TXNDC16: variants seen among roughly 807,000 people sequenced by gnomAD.
TXNDC16 encodes the protein thioredoxin domain containing 16.
In TXNDC16, 74 loss-of-function variants were observed where a neutral mutation model predicts 85.6. The observed-to-expected ratio is 0.86, with a 90% CI of 0.72 to 1.05. The LOEUF (loss-of-function observed/expected upper bound fraction) is 1.05, where lower values mean the gene tolerates loss of function less well. Among genes scored for constraint, TXNDC16 ranks in the 50% least tolerant of loss-of-function variants. The pLI is 0.00. For synonymous variants in TXNDC16, 335 were observed against 326.5 expected, an observed-to-expected ratio of 1.03 and a Z score of -0.28; for missense variants, 959 against 947.0, an observed-to-expected ratio of 1.01 and a Z score of -0.17.
chr14:52,523,894 C>T (rs1002911383), intron 6 of TXNDC16, among the ~76,000 whole-genome samples: 1 of 152,182 alleles, frequency 6.6e-6, no homozygotes, highest in Non-Finnish European at 1.5e-5. Flanking sequence ...TAATATATGT[C>T]ATGTACCACA....
chr14:52,529,913 A>ATATTATG (rs1288215316), intron 6 of TXNDC16, among the ~76,000 whole-genome samples: 2 of 110,606 alleles, frequency 1.8e-5, no homozygotes, highest in Non-Finnish European at 3.3e-5. Context: ...TATATATTAT[A>ATATTATG]TAATATACAT....
In TXNDC16 at chr14:52,519,203, T is replaced by C. The variant is rs1334623224; in HGVS notation, c.483A>G (p.Ile161Met). 6.2e-7 allele frequency: 1 copy of C among 1,611,936 alleles called. No individual in the cohort carries two copies. Among genetic ancestry groups the C allele is most frequent in the Non-Finnish European group, 8.5e-7 (1 of 1,179,114 alleles). The part of the protein sequence containing the change: ...ENALKGKANI[I>M]FSYVRAIGIP... Reference sequence around the variant, plus strand: ...TTCCAATGGCTCTTACATATGAGAATATAATATTTGCTTTTCCTTTCAGAG... The same window carrying C: ...TTCCAATGGCTCTTACATATGAGAACATAATATTTGCTTTTCCTTTCAGAG... Residue 161 changes from isoleucine to methionine, a missense_variant, in exon 7 of 21, where the codon ATA becomes ATG. Transcript: ENST00000281741.
At chr14:52,444,265 A>G (rs2035230765) in intron 18 of TXNDC16, among the ~76,000 whole-genome samples, 2 of 152,292 alleles carry the variant, frequency 1.3e-5, no homozygotes, top group South Asian at 4.1e-4. Flanking sequence ...TCAATAATAA[A>G]AGCATAAAAA....
chr14:52,539,531 A>AT lies in TXNDC16; in HGVS notation c.244-1860dup, dbSNP rs1254319642. On this transcript the variant is annotated intron_variant, in intron 4 of 20. Transcript: ENST00000281741. ...ATTGGAATGAAAGGACTTTCGCAGC[A>AT]TGGTAGTGATGTATCCTGATACATC... Among the ~76,000 whole-genome samples the AT allele has an allele frequency of 3.9e-5, 6 of 152,248 alleles. No individual in the cohort carries two copies. The East Asian group carries it at 1.2e-3, about 29-fold the overall frequency.
At chr14:52,514,697 CTG>C (rs995358297) in intron 8 of TXNDC16, among the ~76,000 whole-genome samples, 181 bp downstream of exon 8, 1 of 152,108 alleles carries the variant, frequency 6.6e-6, no homozygotes, top group African/African-American at 2.4e-5. Context: ...TATTTTAAGA[CTG>C]TAATACAGCA....
intron 6 of TXNDC16, among the ~76,000 whole-genome samples, chr14:52,524,153 C>G (rs1361065703): frequency 6.6e-6 from 1 of 152,224 alleles, no homozygotes; most frequent in Non-Finnish European, 1.5e-5. Flanking sequence ...GGGCACAGTT[C>G]AGGAGTTTTA....
chr14:52,471,001 T>C lies in TXNDC16; in HGVS notation c.1313-321A>G, dbSNP rs141275252. Among the ~76,000 whole-genome samples the C allele has an allele frequency of 2.5e-3, 388 of 152,348 alleles. 2 individuals carry two copies. Among genetic ancestry groups the C allele is most frequent in the African/African-American group, 8.7e-3 (363 of 41,580 alleles). Reference sequence around the variant, plus strand: ...ACCTCAATAACCATAGACAATCTAATGAATCCTAAATTTATGTCTTTGGCC... The same window carrying C: ...ACCTCAATAACCATAGACAATCTAACGAATCCTAAATTTATGTCTTTGGCC... On this transcript the variant is annotated intron_variant, in intron 14 of 20. Transcript: ENST00000281741.
At chr14:52,436,150 C>T (rs2035021657) in intron 20 of TXNDC16, among the ~76,000 whole-genome samples, 1 of 152,072 alleles carries the variant, frequency 6.6e-6, no homozygotes, top group African/African-American at 2.4e-5. Context: ...TATTCATAAT[C>T]GCCATAAGTA....
At chr14:52,532,362 G>A (rs974944893) in intron 6 of TXNDC16, among the ~76,000 whole-genome samples, 1 of 151,982 alleles carries the variant, frequency 6.6e-6, no homozygotes, top group Non-Finnish European at 1.5e-5. Flanking sequence ...GGGGAATACA[G>A]CAAGACCCCA....
chr14:52,530,351 TA>T lies in TXNDC16; in HGVS notation c.392+6367del, dbSNP rs1397520468. 8.9e-4 allele frequency among the ~76,000 whole-genome samples: 33 copies of T among 37,262 alleles called. 2 individuals are homozygous for T. The highest frequency in any genetic ancestry group is 0.033 in the Middle Eastern group (1 of 30). 24.4% of individuals were successfully genotyped at this position (37,262 alleles called of 152,430 possible). ...TTATATTATATATAATTATATATTA[TA>T]ATATAATATATATTATTATATAATA... On this transcript the variant is annotated intron_variant, in intron 6 of 20. Transcript: ENST00000281741.
At chr14:52,439,005 TC>T in intron 20 of TXNDC16, among the ~76,000 whole-genome samples, 198 bp downstream of exon 20, 1 of 152,288 alleles carries the variant, frequency 6.6e-6, no homozygotes, top group Non-Finnish European at 1.5e-5. Flanking sequence ...GAATTAAAAT[TC>T]AAGAAACAGG....
intron 9 of TXNDC16, among the ~76,000 whole-genome samples, chr14:52,492,789 T>A (rs969934610): frequency 1.3e-5 from 2 of 152,116 alleles, no homozygotes; most frequent in Non-Finnish European, 2.9e-5. Context: ...TGGTGCCACC[T>A]TCTCACCATT....
chr14:52,539,766 G>A (rs534038033), intron 4 of TXNDC16, among the ~76,000 whole-genome samples: 7 of 152,178 alleles, frequency 4.6e-5, no homozygotes, highest in Non-Finnish European at 8.8e-5. Context: ...AAGGATGACA[G>A]AGCTTTTTGT....
At chr14:52,435,945 C>A (rs1158606966) in intron 20 of TXNDC16, among the ~76,000 whole-genome samples, 2 of 151,948 alleles carry the variant, frequency 1.3e-5, no homozygotes, top group African/African-American at 4.8e-5. Context: ...CACCCCTGCA[C>A]TCCAGCCTTG....
chr14:52,507,177 C>G (rs1464300414), intron 9 of TXNDC16, among the ~76,000 whole-genome samples: 11 of 152,058 alleles, frequency 7.2e-5, no homozygotes, highest in Admixed American at 3.3e-4. Flanking sequence ...ATTGTCTCAG[C>G]CCAAAATCTC....
intron 6 of TXNDC16, 48 bp downstream of exon 6, chr14:52,536,671 A>T: frequency 7.0e-7 from 1 of 1,430,616 alleles, no homozygotes; most frequent in Non-Finnish European, 9.6e-7. Context: ...AATGAAATCA[A>T]CAGATAAGTA....
At chr14:52,470,262 A>G (rs2035875147) in intron 15 of TXNDC16, 89 bp from the exon 16 acceptor site, 7 of 1,024,728 alleles carry the variant, frequency 6.8e-6, no homozygotes, top group African/African-American at 4.9e-5. Context: ...AGCAAACAAT[A>G]TATTACATAG....
At chr14:52,487,725 G>A (rs2140150448) in intron 12 of TXNDC16, among the ~76,000 whole-genome samples, 1 of 152,250 alleles carries the variant, frequency 6.6e-6, no homozygotes, top group Middle Eastern at 3.4e-3. Flanking sequence ...TGCTACTTGT[G>A]GGACTTTGGG....
intron 14 of TXNDC16, among the ~76,000 whole-genome samples, chr14:52,472,885 C>T (rs2035940535): frequency 6.6e-6 from 1 of 152,104 alleles, no homozygotes; most frequent in South Asian, 2.1e-4. Context: ...GGTGCACGTA[C>T]CGGCAGGAAC....
Sources: gnomAD v4.1 joint callset for allele counts (sites outside exome capture counted in the v4.1 genomes callset) on GRCh38, gnomAD v4.1.1 for gene constraint, MANE v1.5 for transcripts, NCBI Gene and HGNC (gene_info 2026-07-23, HGNC 2026-07-21) for gene names.